PSAT1: variants seen among roughly 807,000 people sequenced by gnomAD.
The protein encoded by PSAT1 is phosphoserine aminotransferase.
A neutral mutation model predicts 40.3 loss-of-function variants in PSAT1; 41 were observed. The observed-to-expected ratio is 1.02, with a 90% CI of 0.79 to 1.32. The LOEUF (loss-of-function observed/expected upper bound fraction) is 1.32. Ranked by LOEUF, PSAT1 falls within the 40% of genes most tolerant of loss-of-function variation. The pLI is 0.00. For synonymous variants in PSAT1, 147 were observed against 170.5 expected (o/e 0.86, Z 1.07); for missense variants, 406 against 455.8 (o/e 0.89, Z 0.99).
chr9:78,321,689 A>G (rs1422728734), intron 7 of PSAT1, among the ~76,000 whole-genome samples: 1 of 152,176 alleles, frequency 6.6e-6, no homozygotes, highest in Admixed American at 6.5e-5. Context: ...AGTTGATTCC[A>G]TAGCCCAGTC....
intron 1 of PSAT1, 119 bp downstream of exon 1, chr9:78,297,389 G>C: frequency 3.3e-6 from 4 of 1,197,698 alleles, no homozygotes. Flanking sequence ...TCCCCTAGGC[G>C]CTTTGCATCA....
In PSAT1 at chr9:78,317,788, T is replaced by A; in HGVS notation, c.853T>A (p.Ser285Thr). 3 of 1,612,924 alleles carry A rather than the reference T, an allele frequency of 1.9e-6. No individual in the cohort carries two copies. The highest frequency in any genetic ancestry group is 1.1e-5 in the South Asian group (1 of 91,022). Residue 285 changes from serine to threonine, a missense_variant, in exon 7 of 9, where the codon TCT becomes ACT. By Grantham distance (58) the Ser-to-Thr change is moderately conservative. Transcript: ENST00000376588. Reference sequence around the variant, plus strand: ...AACAATTTATGAGATTATTGATAATTCTCAAGGATTCTACGTGTAAGTCAA... The same window carrying A: ...AACAATTTATGAGATTATTGATAATACTCAAGGATTCTACGTGTAAGTCAA... Reference protein sequence around the residue: ...SQTIYEIIDNSQGFYVCPVEP... With the variant: ...SQTIYEIIDNTQGFYVCPVEP...
chr9:78,320,034 A>T (rs1226003608), intron 7 of PSAT1, among the ~76,000 whole-genome samples: 1 of 151,326 alleles, frequency 6.6e-6, no homozygotes, highest in Non-Finnish European at 1.5e-5. Context: ...CTATACATTC[A>T]TCCACTCATC....
At chr9:78,326,955 A>ATATTT in intron 7 of PSAT1, among the ~76,000 whole-genome samples, 10 of 75,930 alleles carry the variant, frequency 1.3e-4, no homozygotes, top group African/African-American at 4.7e-4. Flanking sequence ...ATATATATAT[A>ATATTT]TTTTTTTTTT....
In PSAT1 at chr9:78,326,955, A is replaced by ATATATATATATATATTTTTTTTTT; in HGVS notation, c.870-1095_870-1094insATATATATATATATTTTTTTTTTT. On this transcript the variant is annotated intron_variant, in intron 7 of 8. Transcript: ENST00000376588. The stretch of plus-strand genomic sequence containing the variant: ...CAGCAATATATATATATATATATAT[A>ATATATATATATATATTTTTTTTTT]TTTTTTTTTTTTTTTTTTGAGACAG... Among the ~76,000 whole-genome samples, 3 of 75,932 alleles carry ATATATATATATATATTTTTTTTTT rather than the reference A, an allele frequency of 4.0e-5. No homozygotes were observed. The Admixed American group carries it at 5.5e-4, about 14-fold the overall frequency. The allele number at this position is 75,932 out of a possible 152,430, so 49.8% of individuals were successfully genotyped here. A position where few individuals can be genotyped will look rare whatever the true frequency, so the allele number is the denominator to read the frequency against.
chr9:78,308,473 G>T lies in PSAT1; in HGVS notation c.630G>T (p.Val210=). Residue 210 remains valine, a synonymous_variant, in exon 6 of 9, where the codon GTG becomes GTT. Transcript: ENST00000376588. ...KNVGSAGVTV[V]IVRDDLLGFA... is the part of the protein sequence containing the mutation. ...TTGGCTCTGCTGGGGTCACCGTGGT[G>T]ATTGTCCGTGATGACCTGCTGGGGT... The T allele has an allele frequency of 6.2e-7, 1 of 1,613,942 alleles. No individual in the cohort carries two copies. Among genetic ancestry groups the T allele is most frequent in the Non-Finnish European group, 8.5e-7 (1 of 1,179,870 alleles).
chr9:78,304,548 C>T (rs573498710), intron 3 of PSAT1, among the ~76,000 whole-genome samples, 187 bp from the exon 4 acceptor site: 1 of 152,282 alleles, frequency 6.6e-6, no homozygotes, highest in African/African-American at 2.4e-5. Context: ...ACACAGTCTC[C>T]AGTAAATAGT....
At chr9:78,309,790 C>G (rs1828240399) in intron 6 of PSAT1, among the ~76,000 whole-genome samples, 1 of 152,158 alleles carries the variant, frequency 6.6e-6, no homozygotes, top group African/African-American at 2.4e-5. Flanking sequence ...CCTATAACTC[C>G]CAAACTTGGG....
In PSAT1 at chr9:78,309,193, C is replaced by G. The variant is rs1361308865; in HGVS notation, c.740+610C>G. On this transcript the variant is annotated intron_variant, in intron 6 of 8. Coordinates refer to ENST00000376588, the MANE Select transcript of PSAT1 (RefSeq NM_058179.4). The stretch of plus-strand genomic sequence containing the variant: ...AGGATCCGGTGGTTCACCATTAACC[C>G]AAAAGCTCTCTATACATGAGGTGCT... Among the ~76,000 whole-genome samples the G allele has an allele frequency of 3.9e-5, 6 of 152,190 alleles. No homozygotes were observed. In the East Asian group the frequency reaches 1.2e-3, roughly 29 times the overall value.
intron 6 of PSAT1, among the ~76,000 whole-genome samples, chr9:78,310,913 A>T (rs1288222650): frequency 6.6e-6 from 1 of 151,988 alleles, no homozygotes; most frequent in African/African-American, 2.4e-5. Flanking sequence ...AATTTTTTTC[A>T]ATGTTAGAAT....
chr9:78,311,532 T>G (rs1004297010), intron 6 of PSAT1, among the ~76,000 whole-genome samples: 8 of 152,022 alleles, frequency 5.3e-5, no homozygotes, highest in African/African-American at 1.4e-4. Flanking sequence ...AAGAGCATTT[T>G]TTTAAAAAGG....
intron 7 of PSAT1, among the ~76,000 whole-genome samples, chr9:78,323,962 G>C (rs1283878351): frequency 6.6e-6 from 1 of 152,116 alleles, no homozygotes; most frequent in African/African-American, 2.4e-5. Flanking sequence ...TTCACTGCCT[G>C]CTCATCTCCT....
chr9:78,298,673 T>A (rs1388888937), intron 1 of PSAT1, among the ~76,000 whole-genome samples: 2 of 152,190 alleles, frequency 1.3e-5, no homozygotes, highest in Non-Finnish European at 2.9e-5. Flanking sequence ...CAATTATTTG[T>A]TATTAATTTT....
chr9:78,309,629 T>C (rs999242789), intron 6 of PSAT1, among the ~76,000 whole-genome samples: 2 of 152,204 alleles, frequency 1.3e-5, no homozygotes, highest in Non-Finnish European at 1.5e-5. Context: ...TTCTAAAGCG[T>C]TGGGATTACA....
Position 78,302,011 on chromosome 9 carries a change from T to C in PSAT1, c.179T>C (p.Val60Ala), listed in dbSNP as rs1331127729. 4.3e-6 allele frequency: 7 copies of C among 1,609,834 alleles called. No homozygotes were observed. The highest frequency in any genetic ancestry group is 3.3e-5 in the South Asian group (3 of 90,998). The stretch of plus-strand genomic sequence containing the variant: ...ATTATTAACAATACAGAGAATCTTG[T>C]GCGGGAATTGCTGTAAGTTTTAAAA... ...AKIINNTENL[V>A]RELLAVPDNY... The change falls in exon 3 of 9, where the codon GTG becomes GCG. Residue 60 changes from valine (V) to alanine (A), a missense_variant. Physicochemically the swap from Val to Ala is moderately conservative, Grantham distance 64. Coordinates refer to ENST00000376588, the MANE Select transcript of PSAT1 (RefSeq NM_058179.4).
At chr9:78,321,041 C>A (rs1587645878) in intron 7 of PSAT1, among the ~76,000 whole-genome samples, 1 of 152,192 alleles carries the variant, frequency 6.6e-6, no homozygotes, top group Middle Eastern at 3.4e-3. Flanking sequence ...TCCTTTAACT[C>A]CAAGCACTAA....
intron 7 of PSAT1, among the ~76,000 whole-genome samples, chr9:78,318,580 C>T (rs1828382434): frequency 6.6e-6 from 1 of 152,186 alleles, no homozygotes; most frequent in Non-Finnish European, 1.5e-5. Context: ...TCTAGTGGCT[C>T]AGGGTGGTCC....
intron 5 of PSAT1, 106 bp from the exon 6 acceptor site, chr9:78,308,308 G>A: frequency 7.7e-7 from 1 of 1,295,284 alleles, no homozygotes; most frequent in Non-Finnish European, 1.1e-6. Context: ...ACAGGATAGA[G>A]TCATTTCCTT....
intron 6 of PSAT1, among the ~76,000 whole-genome samples, chr9:78,314,850 C>G (rs900576577): frequency 6.6e-6 from 1 of 151,832 alleles, no homozygotes; most frequent in Non-Finnish European, 1.5e-5. Flanking sequence ...CAGCAAGGGC[C>G]CATGTCAGCT....
Sources: gnomAD v4.1 joint callset for allele counts (sites outside exome capture counted in the v4.1 genomes callset) on GRCh38, gnomAD v4.1.1 for gene constraint, MANE v1.5 for transcripts, NCBI Gene and HGNC (gene_info 2026-07-23, HGNC 2026-07-21) for gene names.